Variants in CFAP100 observed in about 807,000 individuals in gnomAD.
CFAP100 encodes the protein cilia- and flagella-associated protein 100.
Under a neutral mutation model 81.5 loss-of-function variants are expected in CFAP100, and 70 were observed. The ratio of observed to expected loss-of-function variants is 0.86; its 90% CI spans 0.71 to 1.05. The LOEUF is 1.05. CFAP100 is among the 50% of genes least tolerant of loss of function. The probability of loss-of-function intolerance (pLI) is 0.00; values close to 1 mark genes in which losing one functional copy is unlikely to be tolerated. For missense variants in CFAP100, 811 were observed against 776.5 expected (o/e 1.04, Z -0.53); for synonymous variants, 341 against 314.8 (o/e 1.08, Z -0.88).
chr3:126,432,896 T>G (rs1933287388), intron 13 of CFAP100, 173 bp from the exon 14 acceptor site: 1 of 524,202 alleles, frequency 1.9e-6, no homozygotes, highest in Admixed American at 3.7e-5. Flanking sequence ...CATTTTCCCC[T>G]ACATTCTACC....
At chr3:126,435,152 T>A in intron 15 of CFAP100, among the ~76,000 whole-genome samples, 1 of 151,302 alleles carries the variant, frequency 6.6e-6, no homozygotes, top group East Asian at 1.9e-4. Context: ...TGACTGAGAG[T>A]ATATATAGGA....
intron 14 of CFAP100, 54 bp from the exon 15 acceptor site, chr3:126,434,122 A>G: frequency 6.5e-7 from 1 of 1,528,444 alleles, no homozygotes; most frequent in East Asian, 2.3e-5. Flanking sequence ...AGGCACTGGC[A>G]TGGGGGTGGG....
intron 15 of CFAP100, among the ~76,000 whole-genome samples, chr3:126,435,217 G>A (rs952654654): frequency 7.9e-5 from 12 of 152,108 alleles, no homozygotes; most frequent in Admixed American, 2.6e-4. Flanking sequence ...GGCAAGGGAG[G>A]CCACAGGTGC....
At chr3:126,397,097 A>G (rs2082902079) in intron 2 of CFAP100, among the ~76,000 whole-genome samples, 1 of 152,212 alleles carries the variant, frequency 6.6e-6, no homozygotes, top group Non-Finnish European at 1.5e-5. Flanking sequence ...AGATCACACA[A>G]TGAAAACCCT....
chr3:126,433,924 G>GGTCC lies in CFAP100; in HGVS notation c.1423-252_1423-251insGTCC. The GGTCC allele has an allele frequency of 1.0e-5, 5 of 501,804 alleles. No individual in the cohort carries two copies. In the South Asian group the frequency reaches 1.2e-4, roughly 12 times the overall value. 31.1% of individuals were successfully genotyped at this position (501,804 alleles called of 1,614,324 possible). ...TGGAGGAGGGGACTGGGCCCCGTTGGCTCACCAGAGGCAGCTGGGAGAGGG... is the reference window on the plus strand; with the variant it reads ...TGGAGGAGGGGACTGGGCCCCGTTGGGTCCCTCACCAGAGGCAGCTGGGAGAGGG... On this transcript the variant is annotated intron_variant, in intron 14 of 16. Coordinates refer to ENST00000352312, the MANE Select transcript of CFAP100 (RefSeq NM_182628.3).
chr3:126,432,211 G>A (rs1162616564), intron 13 of CFAP100, among the ~76,000 whole-genome samples: 4 of 149,852 alleles, frequency 2.7e-5, no homozygotes, highest in Non-Finnish European at 3.0e-5. Flanking sequence ...CCCGGGAGGC[G>A]GAGCTTGCAG....
In CFAP100 at chr3:126,416,504, C is replaced by A; in HGVS notation, c.414C>A (p.Thr138=). Residue 138 remains threonine (T), a synonymous_variant, in exon 5 of 17, where the codon ACC becomes ACA. Transcript: ENST00000352312. The stretch of plus-strand genomic sequence containing the variant: ...ACACGACCTGGAAGCTCACCTTGAC[C>A]AAAGGTGCGTCCCCTCCGGCGCGGG... ...RDYTTWKLTL[T]KEKNVEPENM... is the part of the protein sequence containing the mutation. 6.3e-7 allele frequency: 1 copy of A among 1,584,136 alleles called. No homozygotes were observed. Among genetic ancestry groups the A allele is most frequent in the South Asian group, 1.1e-5 (1 of 88,356 alleles).
At chr3:126,400,888 T>G in intron 2 of CFAP100, among the ~76,000 whole-genome samples, 1 of 152,244 alleles carries the variant, frequency 6.6e-6, no homozygotes, top group East Asian at 1.9e-4. Flanking sequence ...AGCACACGCA[T>G]GTTCACAGCA....
At chr3:126,402,966 T>G (rs571075968) in intron 2 of CFAP100, among the ~76,000 whole-genome samples, 21 of 152,062 alleles carry the variant, frequency 1.4e-4, no homozygotes, top group African/African-American at 5.1e-4. Context: ...ATCTGGTGAC[T>G]AGGTGTGGAA....
chr3:126,434,264 T>TGCAGATGC lies in CFAP100; in HGVS notation c.1512_1519dup (p.Leu507ArgfsTer4), dbSNP rs1403537033. On this transcript the variant is annotated frameshift_variant, in exon 15 of 17. Transcript: ENST00000352312. LOFTEE classifies it high-confidence loss of function. ...CAGCAGGAGGCCAACCTGGGCACCG[T>TGCAGATGC]GCAGATGCTGACCATCATTGAGCAC... 4 of 1,613,990 alleles carry TGCAGATGC rather than the reference T, an allele frequency of 2.5e-6. No homozygotes were observed. The South Asian group carries it at 4.4e-5, about 18-fold the overall frequency.
chr3:126,401,628 G>A (rs2082984770), intron 2 of CFAP100, among the ~76,000 whole-genome samples: 1 of 151,108 alleles, frequency 6.6e-6, no homozygotes, highest in Non-Finnish European at 1.5e-5. Flanking sequence ...TTTGAGTAGA[G>A]ATGGTGAATA....
chr3:126,404,703 C>T (rs969022462), intron 2 of CFAP100, among the ~76,000 whole-genome samples: 4 of 152,166 alleles, frequency 2.6e-5, no homozygotes, highest in African/African-American at 9.7e-5. Context: ...GAGATGGAGT[C>T]TCGCTCTGTC....
chr3:126,420,027 C>T lies in CFAP100; in HGVS notation c.955+6C>T, dbSNP rs774704801. The stretch of plus-strand genomic sequence containing the variant: ...GAGCTCCATGTGGGCCAAAGGTGAG[C>T]TGCCGCCCCCAGCCTGAGGAGGAGC... On this transcript the variant is annotated splice_donor_region_variant and intron_variant, in intron 10 of 16. Coordinates refer to ENST00000352312, the MANE Select transcript of CFAP100 (RefSeq NM_182628.3). 1 of 1,613,096 alleles carries T rather than the reference C, an allele frequency of 6.2e-7. No individual in the cohort carries two copies. Among genetic ancestry groups the T allele is most frequent in the African/African-American group, 1.3e-5 (1 of 74,956 alleles).
rs2083283705 is a variant in CFAP100 at position 126,418,812 on chromosome 3, C to CG, written c.650+39dup. ...GCCCGAGGGGCTGGCTGGGCAATGC[C>CG]GAACCCCCACTGTCCCTGAGCCTGT... On this transcript the variant is annotated intron_variant, in intron 7 of 16. Transcript: ENST00000352312. The CG allele has an allele frequency of 2.0e-6, 3 of 1,535,744 alleles. No homozygotes were observed. In the African/African-American group the frequency reaches 4.2e-5, roughly 21 times the overall value.
intron 13 of CFAP100, among the ~76,000 whole-genome samples, chr3:126,427,122 G>T (rs1370235640): frequency 6.6e-6 from 1 of 152,184 alleles, no homozygotes; most frequent in Non-Finnish European, 1.5e-5. Context: ...GAAAATCCAA[G>T]AAGTTACTTT....
intron 2 of CFAP100, among the ~76,000 whole-genome samples, chr3:126,399,355 TCAC>T (rs1472091870): frequency 6.6e-6 from 1 of 152,138 alleles, no homozygotes; most frequent in Non-Finnish European, 1.5e-5. Flanking sequence ...ATGCCCACCT[TCAC>T]CACTGCTGTT....
At chr3:126,422,680 GC>G (rs1334396811) in intron 11 of CFAP100, among the ~76,000 whole-genome samples, 3 of 152,234 alleles carry the variant, frequency 2.0e-5, no homozygotes, top group Admixed American at 2.0e-4. Flanking sequence ...GACAGACCTT[GC>G]CCCTGGGCAC....
rs752000285 is a variant in CFAP100 at position 126,434,333 on chromosome 3, T to A, written c.1580T>A (p.Val527Asp). The change falls in exon 15 of 17, where the codon GTC (valine) becomes GAC (aspartate). Residue 527 changes from valine (V) to aspartate (D), a missense_variant. Val to Asp is a radical substitution (Grantham distance 152). Coordinates refer to ENST00000352312, the MANE Select transcript of CFAP100 (RefSeq NM_182628.3). ...LLENLEHVPQ[V>D]KIEQAERAKE... ...GAGAACCTGGAGCACGTGCCCCAGGTCAAGATCGAGCAGGCCGAGAGGGCA... is the reference window on the plus strand; with the variant it reads ...GAGAACCTGGAGCACGTGCCCCAGGACAAGATCGAGCAGGCCGAGAGGGCA... 7.4e-6 allele frequency: 12 copies of A among 1,613,958 alleles called. No homozygotes were observed. In the South Asian group the frequency reaches 1.3e-4, roughly 18 times the overall value.
chr3:126,419,873 G>C, intron 9 of CFAP100, 55 bp downstream of exon 9: 13 of 1,610,246 alleles, frequency 8.1e-6, no homozygotes, highest in Non-Finnish European at 1.1e-5. Flanking sequence ...GGCCCACTGC[G>C]ACCCTGAGCC....
Sources: allele counts gnomAD v4.1 joint callset (sites outside exome capture counted in the v4.1 genomes callset), GRCh38; gene constraint gnomAD v4.1.1; transcripts MANE v1.5; gene names NCBI Gene and HGNC (gene_info 2026-07-23, HGNC 2026-07-21).